Variants in PCCA observed in about 807,000 individuals in gnomAD.
PCCA encodes the protein propionyl-CoA carboxylase subunit alpha, also known as propionyl-CoA carboxylase alpha chain, mitochondrial.
PCCA carries 74 observed loss-of-function variants against 101.3 expected under a neutral mutation model. That is an observed-to-expected ratio of 0.73 (90% CI 0.61 to 0.89). The LOEUF (loss-of-function observed/expected upper bound fraction) is 0.89, where lower values mean the gene tolerates loss of function less well. PCCA is among the 40% of genes least tolerant of loss of function. PCCA has a pLI of 0.00. For missense variants in PCCA, 891 were observed against 907.0 expected, an observed-to-expected ratio of 0.98 and a Z score of 0.23; for synonymous variants, 294 against 313.6, an observed-to-expected ratio of 0.94 and a Z score of 0.66.
At chr13:100,218,685 A>G (rs1005610947) in intron 7 of PCCA, among the ~76,000 whole-genome samples, 1 of 152,198 alleles carries the variant, frequency 6.6e-6, no homozygotes, top group African/African-American at 2.4e-5. Flanking sequence ...GGCAAAGGTG[A>G]TGTGATATTA....
chr13:100,386,570 A>C lies in PCCA; in HGVS notation c.1746+17996A>C, dbSNP rs543282415. Among the ~76,000 whole-genome samples the C allele has an allele frequency of 1.2e-3, 178 of 152,286 alleles. 1 individual carries two copies. The highest frequency in any genetic ancestry group is 0.011 in the Admixed American group (162 of 15,300). On this transcript the variant is annotated intron_variant, in intron 19 of 23. Coordinates refer to ENST00000376285, the MANE Select transcript of PCCA (RefSeq NM_000282.4). ...CTAATTTTTTGTATTTTTAGTACAG[A>C]CGTGGTTTCACTGTGTTAGCCAGGA...
At chr13:100,521,077 C>T (rs2087247768) in intron 22 of PCCA, among the ~76,000 whole-genome samples, 2 of 152,204 alleles carry the variant, frequency 1.3e-5, no homozygotes. Context: ...TTGTGAATGA[C>T]ATCAGTTTCC....
At chr13:100,108,563 C>A (rs1256616667) in intron 2 of PCCA, among the ~76,000 whole-genome samples, 1 of 152,164 alleles carries the variant, frequency 6.6e-6, no homozygotes, top group Non-Finnish European at 1.5e-5. Context: ...CCCTCTTCTT[C>A]CAGTGTCACG....
rs182714817 is a variant in PCCA, at chr13:100,326,272, C to T, written c.1430-4289C>T. Reference sequence around the variant, plus strand: ...TACGGATCTTAGAGGAATCCAAGAGCGGATAGACACCACACCCGAGGAATT... The same window carrying T: ...TACGGATCTTAGAGGAATCCAAGAGTGGATAGACACCACACCCGAGGAATT... On this transcript the variant is annotated intron_variant, in intron 16 of 23. Transcript: ENST00000376285. Among the ~76,000 whole-genome samples the T allele has an allele frequency of 5.2e-3, 784 of 152,152 alleles. 8 individuals carry two copies. Among genetic ancestry groups the T allele is most frequent in the Non-Finnish European group, 6.9e-3 (470 of 68,014 alleles).
chr13:100,322,748 T>C (rs1468090531), intron 16 of PCCA, among the ~76,000 whole-genome samples: 3 of 152,028 alleles, frequency 2.0e-5, no homozygotes, highest in Admixed American at 2.0e-4. Flanking sequence ...TTTTCTGTTT[T>C]TATTTTTTGT....
intron 4 of PCCA, among the ~76,000 whole-genome samples, chr13:100,146,997 T>C (rs1166602712): frequency 7.0e-6 from 1 of 142,606 alleles, no homozygotes; most frequent in Non-Finnish European, 1.5e-5. Flanking sequence ...TTAAAAATTA[T>C]GAGGTAGAAT....
At chr13:100,178,921 C>T (rs925253823) in intron 6 of PCCA, among the ~76,000 whole-genome samples, 6 of 151,334 alleles carry the variant, frequency 4.0e-5, no homozygotes, top group African/African-American at 1.2e-4. Flanking sequence ...ACTAAAAATA[C>T]AAAATATTAG....
intron 19 of PCCA, among the ~76,000 whole-genome samples, chr13:100,406,352 C>T (rs144843133): frequency 6.6e-6 from 1 of 152,342 alleles, no homozygotes; most frequent in East Asian, 1.9e-4. Flanking sequence ...GAGAAACAAA[C>T]ATGCTCCAAA....
chr13:100,183,864 C>G (rs180884917), intron 6 of PCCA, among the ~76,000 whole-genome samples: 81 of 152,260 alleles, frequency 5.3e-4, no homozygotes, highest in Admixed American at 2.4e-3. Flanking sequence ...TTCAGGGGAG[C>G]ATTCTGTGTG....
intron 5 of PCCA, among the ~76,000 whole-genome samples, chr13:100,156,974 T>C (rs1224752233): frequency 1.3e-5 from 2 of 152,178 alleles, no homozygotes; most frequent in Non-Finnish European, 2.9e-5. Context: ...TGTTGAATAG[T>C]GTAGACAAAT....
intron 21 of PCCA, among the ~76,000 whole-genome samples, chr13:100,499,099 A>C (rs988304649): frequency 6.6e-6 from 1 of 152,222 alleles, no homozygotes; most frequent in Non-Finnish European, 1.5e-5. Flanking sequence ...ACCAAGCCAC[A>C]AAACTATGGG....
intron 4 of PCCA, chr13:100,151,012 C>G: frequency 6.5e-7 from 1 of 1,544,272 alleles, no homozygotes; most frequent in Non-Finnish European, 8.9e-7. Flanking sequence ...GGCGGTACTG[C>G]CAGCAGCGGA....
intron 4 of PCCA, chr13:100,149,450 C>G (rs558928590): frequency 6.6e-6 from 1 of 152,288 alleles, no homozygotes; most frequent in African/African-American, 2.4e-5. Context: ...ACCCATTTAA[C>G]AGTAACTCCC....
In PCCA at chr13:100,144,893, C is replaced by G. The variant is rs989242291; in HGVS notation, c.301-10086C>G. Among the ~76,000 whole-genome samples the G allele has an allele frequency of 9.9e-5, 15 of 152,266 alleles. No individual in the cohort carries two copies. The Middle Eastern group carries it at 0.01, about 104-fold the overall frequency. On this transcript the variant is annotated intron_variant, in intron 4 of 23. Transcript: ENST00000376285. ...CTGATGGGATCATGCCCCAGGAAAC[C>G]CCAGTCTGAAACACAGATAGGAGAG...
intron 6 of PCCA, among the ~76,000 whole-genome samples, chr13:100,186,212 G>T (rs902529541): frequency 5.9e-5 from 9 of 152,154 alleles, no homozygotes; most frequent in Admixed American, 4.6e-4. Context: ...AGGGCCAAAA[G>T]TAGAGTAGGG....
intron 6 of PCCA, among the ~76,000 whole-genome samples, chr13:100,185,647 CT>C (rs60267730): frequency 0.77 from 103,011 of 133,922 alleles, 39,157 homozygotes; most frequent in East Asian, 0.97. Context: ...ATTTCTTTTT[CT>C]TTTTTTTTTT....
Position 100,158,214 on chromosome 13 carries a change from A to G in PCCA, c.468+874A>G, listed in dbSNP as rs576469112. ...GTATCTAAACATGTAAACAGGGAAG[A>G]TACAGTTAAAAATACAGTATTAGAA... On this transcript the variant is annotated intron_variant, in intron 6 of 23. Transcript: ENST00000376285. 1.3e-5 allele frequency among the ~76,000 whole-genome samples: 2 copies of G among 152,372 alleles called. 1 individual carries two copies. The highest frequency in any genetic ancestry group is 1.3e-4 in the Admixed American group (2 of 15,306).
At chr13:100,403,675 C>G (rs948796779) in intron 19 of PCCA, among the ~76,000 whole-genome samples, 1 of 151,984 alleles carries the variant, frequency 6.6e-6, no homozygotes, top group South Asian at 2.1e-4. Flanking sequence ...AATTCAGGCC[C>G]ACAGACAATT....
chr13:100,362,883 T>A (rs1489894476), intron 18 of PCCA, among the ~76,000 whole-genome samples: 2 of 152,154 alleles, frequency 1.3e-5, no homozygotes, highest in Admixed American at 1.3e-4. Context: ...AGAATTCTAA[T>A]CCTCCTCTAT....
Sources: allele counts gnomAD v4.1 joint callset (sites outside exome capture counted in the v4.1 genomes callset), GRCh38; gene constraint gnomAD v4.1.1; transcripts MANE v1.5; gene names NCBI Gene and HGNC (gene_info 2026-07-23, HGNC 2026-07-21).